The following THSD7A variants were observed in gnomAD, a reference collection of about 807,000 sequenced individuals.
The protein encoded by THSD7A is thrombospondin type 1 domain containing 7A.
A neutral mutation model predicts 231.3 loss-of-function variants in THSD7A; 96 were observed. The ratio of observed to expected loss-of-function variants is 0.41; its 90% CI spans 0.35 to 0.49. The LOEUF (loss-of-function observed/expected upper bound fraction) is 0.49. Among genes scored for constraint, THSD7A ranks in the 20% least tolerant of loss-of-function variants. The pLI is 0.05. For missense variants in THSD7A, 2,290 were observed against 2,070.2 expected (o/e 1.11, Z -2.06); for synonymous variants, 940 against 743.3 (o/e 1.26, Z -4.30).
At chr7:11,796,113 C>T (rs371688135) in intron 1 of THSD7A, among the ~76,000 whole-genome samples, 19 of 138,258 alleles carry the variant, frequency 1.4e-4, no homozygotes, top group African/African-American at 3.2e-4. Flanking sequence ...AAAAGTGTAA[C>T]GATGTAGACA....
intron 1 of THSD7A, among the ~76,000 whole-genome samples, chr7:11,798,241 G>A (rs1455477041): frequency 6.6e-6 from 1 of 152,058 alleles, no homozygotes; most frequent in Non-Finnish European, 1.5e-5. Flanking sequence ...AGGCCGAGGT[G>A]GGAGGATCAC....
chr7:11,675,606 T>A (rs1783606200), intron 1 of THSD7A, among the ~76,000 whole-genome samples: 1 of 152,106 alleles, frequency 6.6e-6, no homozygotes, highest in South Asian at 2.1e-4. Context: ...TACTGAAGCT[T>A]GAGTAGAAAG....
At chr7:11,472,347 C>T (rs1785971217) in intron 8 of THSD7A, among the ~76,000 whole-genome samples, 1 of 151,970 alleles carries the variant, frequency 6.6e-6, no homozygotes, top group Non-Finnish European at 1.5e-5. Flanking sequence ...TTGATTTTAC[C>T]ATTGCACAGT....
At chr7:11,533,855 C>A (rs543526648) in intron 6 of THSD7A, among the ~76,000 whole-genome samples, 88 of 152,234 alleles carry the variant, frequency 5.8e-4, no homozygotes, top group Admixed American at 1.1e-3. Context: ...TGTAACAAAC[C>A]TACAGGTTCT....
intron 6 of THSD7A, among the ~76,000 whole-genome samples, chr7:11,500,711 G>C (rs369661234): frequency 2.6e-5 from 4 of 152,034 alleles, no homozygotes; most frequent in African/African-American, 9.7e-5. Flanking sequence ...GGGCCAAGGC[G>C]GGTGGATCAC....
chr7:11,595,688 G>C (rs753862862), intron 2 of THSD7A, among the ~76,000 whole-genome samples: 2 of 152,260 alleles, frequency 1.3e-5, no homozygotes, highest in Non-Finnish European at 2.9e-5. Context: ...AGATTTGTGA[G>C]GGCAGCACCT....
chr7:11,553,624 G>A (rs10275517), intron 4 of THSD7A, among the ~76,000 whole-genome samples: 125,519 of 151,964 alleles, frequency 0.83, 52,460 homozygotes, highest in African/African-American at 0.94. Flanking sequence ...TGATTTCTCA[G>A]AATAATGGAG....
chr7:11,747,495 A>G (rs1782348610), intron 1 of THSD7A, among the ~76,000 whole-genome samples: 1 of 151,970 alleles, frequency 6.6e-6, no homozygotes, highest in Admixed American at 6.6e-5. Flanking sequence ...AATGTAATTT[A>G]GTTTTCTTAA....
intron 1 of THSD7A, among the ~76,000 whole-genome samples, chr7:11,736,906 A>T (rs1044032478): frequency 2.0e-5 from 3 of 152,022 alleles, no homozygotes; most frequent in Non-Finnish European, 2.9e-5. Context: ...AGTTTCCCCC[A>T]TCCTATTCTT....
intron 15 of THSD7A, among the ~76,000 whole-genome samples, chr7:11,425,557 C>A (rs1416748701): frequency 6.6e-6 from 1 of 151,938 alleles, no homozygotes; most frequent in Admixed American, 6.6e-5. Flanking sequence ...TGCTTGGTTT[C>A]AGGTTTTTTT....
intron 1 of THSD7A, among the ~76,000 whole-genome samples, chr7:11,702,929 T>A (rs1780649695): frequency 6.6e-6 from 1 of 151,284 alleles, no homozygotes; most frequent in African/African-American, 2.4e-5. Flanking sequence ...ACTAGCTTGG[T>A]ATAATTATTT....
intron 1 of THSD7A, among the ~76,000 whole-genome samples, chr7:11,780,333 T>G (rs1441887045): frequency 6.6e-6 from 1 of 152,176 alleles, no homozygotes; most frequent in Non-Finnish European, 1.5e-5. Context: ...CTGACCTATA[T>G]AACCAATAGA....
At chr7:11,510,576 A>G (rs562101109) in intron 6 of THSD7A, among the ~76,000 whole-genome samples, 1 of 152,184 alleles carries the variant, frequency 6.6e-6, no homozygotes, top group Non-Finnish European at 1.5e-5. Context: ...CTTATCCACC[A>G]CAATCAAGTT....
At chr7:11,545,972 C>T (rs1175764160) in intron 4 of THSD7A, among the ~76,000 whole-genome samples, 1 of 152,160 alleles carries the variant, frequency 6.6e-6, no homozygotes, top group Non-Finnish European at 1.5e-5. Flanking sequence ...TATCTTCCAG[C>T]CCGTCCCAGG....
At chr7:11,416,812 T>C (rs1783976215) in intron 17 of THSD7A, among the ~76,000 whole-genome samples, 1 of 152,198 alleles carries the variant, frequency 6.6e-6, no homozygotes, top group African/African-American at 2.4e-5. Context: ...TCCCAGAGTC[T>C]CGTGGATGAG....
rs1780118236 is a variant in THSD7A at position 11,590,561 on chromosome 7, T to C, written c.1352A>G (p.Gln451Arg). 1.2e-6 allele frequency: 2 copies of C among 1,613,820 alleles called. No individual in the cohort carries two copies. The highest frequency in any genetic ancestry group is 1.1e-5 in the South Asian group (1 of 91,082). The stretch of plus-strand genomic sequence containing the variant: ...GATGCCCCCTCCACAGAGGGCCGTC[T>C]GGTTGCCGCGCCTCTTGTCCTGCTG... ...LSQQDKRRGN[Q>R]TALCGGGIQT... The change falls in exon 4 of 28, where the codon CAG becomes CGG. Residue 451 changes from glutamine (Q) to arginine (R), a missense_variant. Physicochemically the swap from Gln to Arg is conservative, Grantham distance 43. Transcript: ENST00000423059. This position sits in a 1 kb window ranked among gnomAD's most constrained non-coding sequence, Gnocchi z 4.4.
intron 1 of THSD7A, among the ~76,000 whole-genome samples, chr7:11,819,084 T>C (rs1562577464): frequency 6.6e-6 from 1 of 152,128 alleles, no homozygotes; most frequent in African/African-American, 2.4e-5. Context: ...AATGAAAAGA[T>C]GACAAGCAGA....
intron 6 of THSD7A, among the ~76,000 whole-genome samples, chr7:11,482,405 A>G (rs1321844879): frequency 6.6e-6 from 1 of 152,216 alleles, no homozygotes; most frequent in Non-Finnish European, 1.5e-5. Flanking sequence ...ATATGTTTTC[A>G]TGAACCAACT....
chr7:11,410,918 A>G (rs1235320648), intron 19 of THSD7A, among the ~76,000 whole-genome samples: 1 of 152,088 alleles, frequency 6.6e-6, no homozygotes, highest in Non-Finnish European at 1.5e-5. Flanking sequence ...TAGTCTGATT[A>G]AAATTTATTG....
Sources: allele counts gnomAD v4.1 joint callset (sites outside exome capture counted in the v4.1 genomes callset), GRCh38; gene constraint gnomAD v4.1.1; non-coding constraint Gnocchi (gnomAD v3.1); transcripts MANE v1.5; gene names NCBI Gene and HGNC (gene_info 2026-07-23, HGNC 2026-07-21).